ENTREP2: variants seen among roughly 807,000 people sequenced by gnomAD.
ENTREP2 encodes the protein endosomal transmembrane epsin interactor 2, also known as protein ENTREP2.
At chr15:29,476,446 C>A in the ENTREP2 span, among the ~76,000 whole-genome samples, 1 of 152,144 alleles carries the variant, frequency 6.6e-6, no homozygotes, top group Admixed American at 6.5e-5. Flanking sequence ...GCCCGTTCAC[C>A]AAACAGCTAC....
the ENTREP2 span, among the ~76,000 whole-genome samples, chr15:29,140,845 G>T: frequency 6.6e-6 from 1 of 152,200 alleles, no homozygotes; most frequent in South Asian, 2.1e-4. Flanking sequence ...AGGTGGCTCT[G>T]TTTGCCCTGA....
At chr15:29,225,536 A>T in the ENTREP2 span, among the ~76,000 whole-genome samples, 1 of 152,098 alleles carries the variant, frequency 6.6e-6, no homozygotes, top group Non-Finnish European at 1.5e-5. Flanking sequence ...GGGATGACAA[A>T]AGCATCCCCT....
At chr15:29,625,797 C>T in the ENTREP2 span, among the ~76,000 whole-genome samples, 1 of 152,168 alleles carries the variant, frequency 6.6e-6, no homozygotes, top group Non-Finnish European at 1.5e-5. Context: ...AACATCCTTG[C>T]CAAGATTTCA....
chr15:29,305,892 G>A, the ENTREP2 span, among the ~76,000 whole-genome samples: 19,247 of 152,160 alleles, frequency 0.13, 1,620 homozygotes, highest in African/African-American at 0.25. Context: ...AGGAAGACTC[G>A]GGGCTTCGTG....
the ENTREP2 span, among the ~76,000 whole-genome samples, chr15:29,154,496 A>G: frequency 1.3e-5 from 2 of 152,374 alleles, no homozygotes; most frequent in Middle Eastern, 3.4e-3. Flanking sequence ...ATGTCCTTCA[A>G]TTAAATCTTT....
the ENTREP2 span, among the ~76,000 whole-genome samples, chr15:29,596,589 C>T: frequency 6.6e-6 from 1 of 152,236 alleles, no homozygotes; most frequent in Non-Finnish European, 1.5e-5. Flanking sequence ...CAACATTGTT[C>T]CATACATTTG....
chr15:29,371,911 A>ATAGATAGATAG, the ENTREP2 span, among the ~76,000 whole-genome samples: 3 of 149,498 alleles, frequency 2.0e-5, no homozygotes, highest in South Asian at 2.1e-4. Flanking sequence ...AAAATAAATA[A>ATAGATAGATAG]ATAGATAGAT....
chr15:29,565,148 C>T, the ENTREP2 span, among the ~76,000 whole-genome samples: 8 of 152,150 alleles, frequency 5.3e-5, no homozygotes, highest in Non-Finnish European at 8.8e-5. Context: ...ATTTGCAACA[C>T]ATAATAAAGT....
At chr15:29,284,300 G>A in the ENTREP2 span, among the ~76,000 whole-genome samples, 1 of 152,148 alleles carries the variant, frequency 6.6e-6, no homozygotes, top group African/African-American at 2.4e-5. Context: ...GCTCATGCCT[G>A]TAATCCCAGC....
At chr15:29,447,492 G>T in the ENTREP2 span, among the ~76,000 whole-genome samples, 4 of 152,142 alleles carry the variant, frequency 2.6e-5, no homozygotes, top group African/African-American at 9.7e-5. Context: ...TTGAGACAGG[G>T]TCTCACTCTG....
the ENTREP2 span, among the ~76,000 whole-genome samples, chr15:29,526,382 C>CTCCAA: frequency 2.0e-5 from 3 of 151,522 alleles, no homozygotes; most frequent in African/African-American, 7.3e-5. Flanking sequence ...TCCCTCTTTC[C>CTCCAA]TCCAACCCCC....
At chr15:29,529,090 G>A in the ENTREP2 span, among the ~76,000 whole-genome samples, 2 of 150,536 alleles carry the variant, frequency 1.3e-5, no homozygotes, top group East Asian at 3.9e-4. Flanking sequence ...GCCTATTTGA[G>A]TCTTCCCTGG....
chr15:29,641,031 GATT>G, the ENTREP2 span, among the ~76,000 whole-genome samples: 1 of 152,062 alleles, frequency 6.6e-6, no homozygotes, highest in African/African-American at 2.4e-5. Flanking sequence ...TCTAACAATA[GATT>G]ATTTTAATAC....
the ENTREP2 span, among the ~76,000 whole-genome samples, chr15:29,280,813 G>GA: frequency 6.6e-6 from 1 of 152,222 alleles, no homozygotes; most frequent in African/African-American, 2.4e-5. Flanking sequence ...GCTGCCCCTT[G>GA]AAGTTGGCAA....
chr15:29,349,910 A>C, the ENTREP2 span, among the ~76,000 whole-genome samples: 1 of 152,064 alleles, frequency 6.6e-6, no homozygotes, highest in Admixed American at 6.5e-5. Context: ...AAAATAAATT[A>C]AATAAATAAA....
At chr15:29,304,485 A>G in the ENTREP2 span, among the ~76,000 whole-genome samples, 1 of 152,212 alleles carries the variant, frequency 6.6e-6, no homozygotes, top group Non-Finnish European at 1.5e-5. Flanking sequence ...AACACTAAGA[A>G]AATCACTCAA....
chr15:29,196,677 G>C, the ENTREP2 span: 4 of 1,193,750 alleles, frequency 3.4e-6, no homozygotes, highest in Non-Finnish European at 4.6e-6. Context: ...AAAGGAGCCT[G>C]TTTCAGTGTG....
At chr15:29,588,589 G>GAGGA in the ENTREP2 span, among the ~76,000 whole-genome samples, 4 of 98,096 alleles carry the variant, frequency 4.1e-5, no homozygotes, top group South Asian at 5.3e-4. Context: ...GGGAGGGAGG[G>GAGGA]AGGAAGGAAG....
the ENTREP2 span, among the ~76,000 whole-genome samples, chr15:29,397,679 A>G: frequency 6.6e-6 from 1 of 152,238 alleles, no homozygotes; most frequent in Non-Finnish European, 1.5e-5. Context: ...CAAAAGACCA[A>G]AACACTAACT....
Sources: gnomAD v4.1 joint callset for allele counts (sites outside exome capture counted in the v4.1 genomes callset) on GRCh38, gnomAD v4.1.1 for gene constraint, MANE v1.5 for transcripts, NCBI Gene and HGNC (gene_info 2026-07-23, HGNC 2026-07-21) for gene names.